Variants in SMAD2 observed in about 807,000 individuals in gnomAD.
The protein encoded by SMAD2 is SMAD family member 2, also known as MAD homolog 2.
Under a neutral mutation model 64.4 loss-of-function variants are expected in SMAD2, and 8 were observed. The ratio of observed to expected loss-of-function variants is 0.12; its 90% CI spans 0.07 to 0.22. The LOEUF (loss-of-function observed/expected upper bound fraction) is 0.22. Ranked by LOEUF, SMAD2 falls within the 10% of genes least tolerant of loss-of-function variation. The pLI is 1.00. For synonymous variants in SMAD2, 203 were observed against 195.8 expected, an observed-to-expected ratio of 1.04 and a Z score of -0.31; for missense variants, 289 against 561.2, an observed-to-expected ratio of 0.51 and a Z score of 4.90.
Position 47,840,272 on chromosome 18 carries a change from T to G in SMAD2, c.*1555A>C, listed in dbSNP as rs1385740792. ...AAGACAGCTTCAAAAATATGAAAATTTATGAAAAGACGACCAGGAGTGGTT... is the reference window on the plus strand; with the variant it reads ...AAGACAGCTTCAAAAATATGAAAATGTATGAAAAGACGACCAGGAGTGGTT... On this transcript the variant is annotated 3_prime_UTR_variant, in exon 11 of 11. Transcript: ENST00000262160. 8.6e-6 allele frequency: 2 copies of G among 233,070 alleles called. No homozygotes were observed. The highest frequency in any genetic ancestry group is 1.1e-4 in the Admixed American group (2 of 17,780). 14.4% of individuals were successfully genotyped at this position (233,070 alleles called of 1,614,324 possible).
At position 47,840,283 on chromosome 18, in the gene SMAD2, C is replaced by T. The variant is rs980090036; in HGVS notation, c.*1544G>A. On this transcript the variant is annotated 3_prime_UTR_variant, in exon 11 of 11. Coordinates refer to ENST00000262160, the MANE Select transcript of SMAD2 (RefSeq NM_005901.6). ...AAAAATATGAAAATTTATGAAAAGA[C>T]GACCAGGAGTGGTTATTTTCCATTT... 3 of 232,724 alleles carry T rather than the reference C, an allele frequency of 1.3e-5. No individual in the cohort carries two copies. The highest frequency in any genetic ancestry group is 1.8e-4 in the South Asian group (1 of 5,532). 14.4% of individuals were successfully genotyped at this position (232,724 alleles called of 1,614,324 possible).
Position 47,810,300 on chromosome 18 carries a change from C to G in SMAD2, c.*31527G>C, listed in dbSNP as rs959787171. ...AACCTCCTGAGCCTTCTCCTTGCCC[C>G]CTTCCCACCTCTTCCCTACCACTTA... On this transcript the variant is annotated 3_prime_UTR_variant, in exon 11 of 11. Coordinates refer to ENST00000262160, the MANE Select transcript of SMAD2 (RefSeq NM_005901.6). 3.3e-5 allele frequency: 5 copies of G among 152,722 alleles called. No homozygotes were observed. The highest frequency in any genetic ancestry group is 9.7e-5 in the African/African-American group (4 of 41,386). 9.5% of individuals were successfully genotyped at this position (152,722 alleles called of 1,614,324 possible).
At position 47,927,139 on chromosome 18, in the gene SMAD2, G is replaced by A. The variant is rs77740756; in HGVS notation, c.-54+3222C>T. Among the ~76,000 whole-genome samples the A allele has an allele frequency of 5.3e-5, 8 of 152,250 alleles. No homozygotes were observed. The East Asian group carries it at 1.5e-3, about 29-fold the overall frequency. On this transcript the variant is annotated intron_variant, in intron 1 of 10. Coordinates refer to ENST00000262160, the MANE Select transcript of SMAD2 (RefSeq NM_005901.6). ...TGCTTTCTTTCCTTAACCAGCTTCT[G>A]TAATTAAAGGGCAATAAGTGATCAA...
At chr18:47,881,828 T>A (rs188872296) in intron 2 of SMAD2, among the ~76,000 whole-genome samples, 19 of 152,280 alleles carry the variant, frequency 1.2e-4, no homozygotes, top group Admixed American at 2.6e-4. Flanking sequence ...AGTGAGGTGA[T>A]CTTATAGTTT....
intron 6 of SMAD2, among the ~76,000 whole-genome samples, chr18:47,862,094 CA>C (rs979865352): frequency 1.3e-5 from 2 of 151,960 alleles, no homozygotes; most frequent in South Asian, 2.1e-4. Context: ...TCTAGGAGTA[CA>C]AAAAACTAGT....
At chr18:47,867,380 G>T in intron 5 of SMAD2, 1 of 151,212 alleles carries the variant, frequency 6.6e-6, no homozygotes, top group African/African-American at 2.4e-5. Flanking sequence ...TATCTTCAAT[G>T]AATAAGCATT....
chr18:47,875,875 TAA>T (rs2032234704), intron 2 of SMAD2, among the ~76,000 whole-genome samples: 1 of 152,116 alleles, frequency 6.6e-6, no homozygotes, highest in Admixed American at 6.6e-5. Context: ...CATCACCTAT[TAA>T]ATTGATGTTA....
intron 2 of SMAD2, among the ~76,000 whole-genome samples, chr18:47,878,849 T>C (rs1215516366): frequency 6.6e-6 from 1 of 152,244 alleles, no homozygotes; most frequent in Admixed American, 6.5e-5. Flanking sequence ...GTAATTTGGA[T>C]TTGTTTTCTT....
At chr18:47,861,798 T>C (rs1484119221) in intron 6 of SMAD2, among the ~76,000 whole-genome samples, 1 of 152,244 alleles carries the variant, frequency 6.6e-6, no homozygotes, top group Non-Finnish European at 1.5e-5. Context: ...TCTTCCTTTT[T>C]CTTAATGGTT....
intron 2 of SMAD2, among the ~76,000 whole-genome samples, chr18:47,877,974 T>G (rs923707509): frequency 2.0e-5 from 3 of 152,222 alleles, no homozygotes; most frequent in Admixed American, 6.5e-5. Flanking sequence ...GGTCCTTAAC[T>G]GGCTTAAACC....
At chr18:47,881,261 T>G (rs892611340) in intron 2 of SMAD2, among the ~76,000 whole-genome samples, 2 of 152,188 alleles carry the variant, frequency 1.3e-5, no homozygotes, top group Non-Finnish European at 2.9e-5. Flanking sequence ...AACTCCCTCT[T>G]CATTTGTTTA....
intron 7 of SMAD2, among the ~76,000 whole-genome samples, chr18:47,849,606 T>C (rs2144304411): frequency 6.6e-6 from 1 of 152,180 alleles, no homozygotes; most frequent in African/African-American, 2.4e-5. Flanking sequence ...AAGGGTGTAG[T>C]ATTTCCATGT....
rs940220601 is a variant in SMAD2, at chr18:47,834,266, A to C, written c.*7561T>G. On this transcript the variant is annotated 3_prime_UTR_variant, in exon 11 of 11. Coordinates refer to ENST00000262160, the MANE Select transcript of SMAD2 (RefSeq NM_005901.6). ...TGGGACTTGTTTTGAGTTTAGCAAA[A>C]ACTTTACAAGATTAAAAATCAGAGC... 1.4e-5 allele frequency: 3 copies of C among 210,194 alleles called. No homozygotes were observed. Among genetic ancestry groups the C allele is most frequent in the African/African-American group, 2.3e-5 (1 of 44,054 alleles). The allele number at this position is 210,194 out of a possible 1,614,324, so 13.0% of individuals were successfully genotyped here.
chr18:47,848,846 T>A lies in SMAD2; in HGVS notation c.785-159A>T, dbSNP rs9945835. ...TAGTATCTGTATCGGTTTCCACAGA[T>A]GATACCAGATTTTCAGTATTTTTCA... On this transcript the variant is annotated intron_variant, in intron 7 of 10. Coordinates refer to ENST00000262160, the MANE Select transcript of SMAD2 (RefSeq NM_005901.6). 4.0e-3 allele frequency among the ~76,000 whole-genome samples: 615 copies of A among 152,352 alleles called. 5 individuals are homozygous for A. Among genetic ancestry groups the A allele is most frequent in the African/African-American group, 0.014 (568 of 41,594 alleles).
chr18:47,910,025 T>A (rs2034062668), intron 1 of SMAD2, among the ~76,000 whole-genome samples: 1 of 152,174 alleles, frequency 6.6e-6, no homozygotes, highest in Admixed American at 6.5e-5. Flanking sequence ...CCATGGAAGA[T>A]GCCATTGCTG....
At chr18:47,903,875 G>GT (rs1164554786) in intron 1 of SMAD2, among the ~76,000 whole-genome samples, 5 of 113,430 alleles carry the variant, frequency 4.4e-5, no homozygotes, top group South Asian at 3.8e-4. Context: ...AAAAAACAGT[G>GT]TGGGGGGGGG....
At chr18:47,849,823 C>A (rs1914920938) in intron 7 of SMAD2, among the ~76,000 whole-genome samples, 1 of 151,854 alleles carries the variant, frequency 6.6e-6, no homozygotes, top group Non-Finnish European at 1.5e-5. Context: ...GCCTGGGCAA[C>A]ATAGTGAAAC....
intron 2 of SMAD2, among the ~76,000 whole-genome samples, chr18:47,885,327 C>G (rs1244748037): frequency 6.6e-6 from 1 of 151,934 alleles, no homozygotes; most frequent in Non-Finnish European, 1.5e-5. Flanking sequence ...GACACTTGGC[C>G]CAGCTAATTT....
chr18:47,832,788 G>GTAGC lies in SMAD2; in HGVS notation c.*9035_*9038dup, dbSNP rs1913053897. The GTAGC allele has an allele frequency of 6.6e-6, 1 of 152,240 alleles. No individual in the cohort carries two copies. The highest frequency in any genetic ancestry group is 2.4e-5 in the African/African-American group (1 of 41,428). 9.4% of individuals were successfully genotyped at this position (152,240 alleles called of 1,614,324 possible). A position where few individuals can be genotyped will look rare whatever the true frequency, so the allele number is the denominator to read the frequency against. ...AGATCTTATGTATTAGAGCGCTAAT[G>GTAGC]TAGCATAGGCAAACTCTGAAATAAA... On this transcript the variant is annotated 3_prime_UTR_variant, in exon 11 of 11. Coordinates refer to ENST00000262160, the MANE Select transcript of SMAD2 (RefSeq NM_005901.6).
Sources: gnomAD v4.1 joint callset for allele counts (sites outside exome capture counted in the v4.1 genomes callset) on GRCh38, gnomAD v4.1.1 for gene constraint, MANE v1.5 for transcripts, NCBI Gene and HGNC (gene_info 2026-07-23, HGNC 2026-07-21) for gene names.